UTRN: variants seen among roughly 807,000 people sequenced by gnomAD.
UTRN encodes utrophin.
A neutral mutation model predicts 463.9 loss-of-function variants in UTRN; 283 were observed. That is an observed-to-expected ratio of 0.61 (90% CI 0.55 to 0.67). UTRN has a LOEUF of 0.67. Ranked by LOEUF, UTRN falls within the 30% of genes least tolerant of loss-of-function variation. The pLI is 0.00. For synonymous variants in UTRN, 1,442 were observed against 1,431.5 expected (o/e 1.01, Z -0.17); for missense variants, 3,922 against 4,084.3 (o/e 0.96, Z 1.08).
At chr6:144,452,786 A>G (rs1290057404) in intron 18 of UTRN, among the ~76,000 whole-genome samples, 2 of 151,618 alleles carry the variant, frequency 1.3e-5, no homozygotes, top group African/African-American at 4.8e-5. Context: ...AAGTAAAAAA[A>G]AAAAAAAATT....
In UTRN at chr6:144,601,434, C is replaced by A. The variant is rs562216969; in HGVS notation, c.7479+24146C>A. ...ATTCCTACCCTCATGGATCATTTTG[C>A]GGGGTTCAAGAGTTCAGTGAAGGAA... On this transcript the variant is annotated intron_variant, in intron 51 of 74. Coordinates refer to ENST00000367545, the MANE Select transcript of UTRN (RefSeq NM_007124.3). Among the ~76,000 whole-genome samples the A allele has an allele frequency of 9.2e-5, 14 of 151,852 alleles. No individual in the cohort carries two copies. The South Asian group carries it at 1.9e-3, about 20-fold the overall frequency.
intron 2 of UTRN, among the ~76,000 whole-genome samples, chr6:144,367,806 G>A (rs1003753322): frequency 4.6e-5 from 7 of 152,042 alleles, no homozygotes; most frequent in Non-Finnish European, 8.8e-5. Flanking sequence ...TTTTGAGATG[G>A]AGTTTCACTC....
At chr6:144,656,131 G>A (rs1471887963) in intron 51 of UTRN, among the ~76,000 whole-genome samples, 4 of 152,070 alleles carry the variant, frequency 2.6e-5, no homozygotes, top group African/African-American at 9.7e-5. Context: ...ATCTGATACA[G>A]GGATTGGTAG....
rs367929383 is a variant in UTRN at position 144,698,666 on chromosome 6, C to T, written c.7653-1421C>T. On this transcript the variant is annotated intron_variant, in intron 52 of 74. Transcript: ENST00000367545. The stretch of plus-strand genomic sequence containing the variant: ...TCTGACTGATCCATATTTTCAAATC[C>T]AGCCCACCAGTGGGCCTGAGGCTGG... Among the ~76,000 whole-genome samples, 75 of 152,322 alleles carry T rather than the reference C, an allele frequency of 4.9e-4. 2 individuals carry two copies. The highest frequency in any genetic ancestry group is 1.7e-3 in the African/African-American group (71 of 41,576).
intron 2 of UTRN, among the ~76,000 whole-genome samples, chr6:144,397,632 G>A (rs1280211356): frequency 1.3e-5 from 2 of 151,478 alleles, no homozygotes; most frequent in Admixed American, 1.3e-4. Flanking sequence ...GTTCTTTTTT[G>A]TGAGGTATTG....
intron 52 of UTRN, among the ~76,000 whole-genome samples, chr6:144,695,761 G>A (rs1447049318): frequency 2.0e-5 from 3 of 152,192 alleles, no homozygotes; most frequent in South Asian, 2.1e-4. Context: ...GATTTGAAAC[G>A]TCAGCTAGAA....
At chr6:144,472,803 C>G (rs1417081455) in intron 23 of UTRN, among the ~76,000 whole-genome samples, 1 of 148,442 alleles carries the variant, frequency 6.7e-6, no homozygotes, top group African/African-American at 2.5e-5. Context: ...GAGTCTTGCT[C>G]TGTCGCCAGG....
intron 46 of UTRN, among the ~76,000 whole-genome samples, chr6:144,544,992 A>G (rs936615325): frequency 9.2e-5 from 14 of 152,142 alleles, no homozygotes; most frequent in Admixed American, 3.9e-4. Flanking sequence ...ATATACTACA[A>G]TCCTCTAAAT....
At chr6:144,433,611 T>C (rs2114879756) in intron 9 of UTRN, among the ~76,000 whole-genome samples, 1 of 146,200 alleles carries the variant, frequency 6.8e-6, no homozygotes, top group Middle Eastern at 4.5e-3. Flanking sequence ...GCAGAGGGTC[T>C]CCTCACTTCT....
Position 144,429,724 on chromosome 6 carries a change from G to A in UTRN, c.838G>A (p.Glu280Lys), listed in dbSNP as rs1042981752. ...GAAATATAAAAAAGAATGTGAAGAA[G>A]AGGCAATTAATATACAGGTACAGGT... ...PRKYKKECEE[E>K]AINIQSTAPE... Residue 280 changes from glutamate (E) to lysine (K), a missense_variant, in exon 9 of 75, where the codon GAG becomes AAG. Glu to Lys is a moderately conservative substitution (Grantham distance 56). This residue lies in a region of UTRN where 2,349 missense variants were observed against 2,303.8 expected (regional missense o/e 1.02). Transcript: ENST00000367545. The A allele has an allele frequency of 6.2e-7, 1 of 1,611,596 alleles. No individual in the cohort carries two copies. Among genetic ancestry groups the A allele is most frequent in the Non-Finnish European group, 8.5e-7 (1 of 1,179,104 alleles).
chr6:144,771,298 A>T (rs1027600242), intron 58 of UTRN, among the ~76,000 whole-genome samples: 6 of 152,150 alleles, frequency 3.9e-5, no homozygotes, highest in Admixed American at 2.6e-4. Context: ...TTTATAAAAA[A>T]CTTTTGTATA....
At chr6:144,796,411 G>C (rs1397683333) in intron 63 of UTRN, among the ~76,000 whole-genome samples, 1 of 152,132 alleles carries the variant, frequency 6.6e-6, no homozygotes, top group East Asian at 1.9e-4. Flanking sequence ...TACATTTCCT[G>C]TGCCTTGAAC....
At chr6:144,471,781 G>T (rs972798921) in intron 23 of UTRN, among the ~76,000 whole-genome samples, 2 of 152,174 alleles carry the variant, frequency 1.3e-5, no homozygotes, top group Non-Finnish European at 1.5e-5. Context: ...GAACTGAAAG[G>T]CTTTCAAAGC....
In UTRN at chr6:144,499,356, A is replaced by C. The variant is rs1315659265; in HGVS notation, c.4693A>C (p.Thr1565Pro). The change falls in exon 34 of 75, where the codon ACT becomes CCT. Residue 1565 changes from threonine (T) to proline (P), a missense_variant. Physicochemically the swap from Thr to Pro is conservative, Grantham distance 38. Around this residue, in one of 3 missense-constraint regions of UTRN, gnomAD observed 2,349 missense variants for 2,303.8 expected, o/e 1.02. Coordinates refer to ENST00000367545, the MANE Select transcript of UTRN (RefSeq NM_007124.3). Reference sequence around the variant, plus strand: ...CTCTGAATGGCTTTCTGCTACTGAAACTGAATTGGTACAGAAGTCCACTTC... The same window carrying C: ...CTCTGAATGGCTTTCTGCTACTGAACCTGAATTGGTACAGAAGTCCACTTC... Reference protein sequence around the residue: ...SLSEWLSATETELVQKSTSEG... With the variant: ...SLSEWLSATEPELVQKSTSEG... 6.2e-7 allele frequency: 1 copy of C among 1,613,796 alleles called. No homozygotes were observed.
intron 54 of UTRN, among the ~76,000 whole-genome samples, chr6:144,743,040 G>GA (rs1199774302): frequency 6.6e-6 from 1 of 152,160 alleles, no homozygotes; most frequent in South Asian, 2.1e-4. Flanking sequence ...GAAGGAGGAA[G>GA]AAAAATGAAG....
chr6:144,346,631 T>C (rs1777591849), intron 2 of UTRN, among the ~76,000 whole-genome samples: 1 of 152,208 alleles, frequency 6.6e-6, no homozygotes, highest in African/African-American at 2.4e-5. Flanking sequence ...GCCAGGAGCC[T>C]GGCCAATGTG....
intron 49 of UTRN, among the ~76,000 whole-genome samples, chr6:144,556,211 A>G (rs934868686): frequency 9.2e-5 from 14 of 152,356 alleles, no homozygotes; most frequent in African/African-American, 2.9e-4. Context: ...AAGTATATGT[A>G]GAAAACAATC....
intron 51 of UTRN, among the ~76,000 whole-genome samples, chr6:144,590,547 T>A (rs1802932129): frequency 6.6e-6 from 1 of 152,176 alleles, no homozygotes; most frequent in African/African-American, 2.4e-5. Flanking sequence ...TATATATTTT[T>A]AAAAAATTTA....
chr6:144,405,905 T>C (rs544357974), intron 3 of UTRN, among the ~76,000 whole-genome samples: 2 of 152,334 alleles, frequency 1.3e-5, no homozygotes, highest in African/African-American at 4.8e-5. Context: ...AAAAAACTAG[T>C]GGGTGTCCTG....
Sources: gnomAD v4.1 joint callset for allele counts (sites outside exome capture counted in the v4.1 genomes callset) on GRCh38, gnomAD v4.1.1 for gene constraint, gnomAD v4.1.1 regional missense constraint, MANE v1.5 for transcripts, NCBI Gene and HGNC (gene_info 2026-07-23, HGNC 2026-07-21) for gene names.